The following MAML2 variants were observed in gnomAD, a reference collection of about 807,000 sequenced individuals.
The protein encoded by MAML2 is mastermind like transcriptional coactivator 2, also known as mastermind-like protein 2.
In MAML2, 22 loss-of-function variants were observed where a neutral mutation model predicts 96.1. The observed-to-expected ratio is 0.23, with a 90% CI of 0.16 to 0.33. The LOEUF is 0.33. Among genes scored for constraint, MAML2 ranks in the 10% least tolerant of loss-of-function variants. The probability of loss-of-function intolerance (pLI) is 1.00; values close to 1 mark genes in which losing one functional copy is unlikely to be tolerated. For missense variants in MAML2, 1,367 were observed against 1,392.4 expected (o/e 0.98, Z 0.29); for synonymous variants, 561 against 521.3 (o/e 1.08, Z -1.04).
chr11:96,053,845 T>C (rs2135770448), intron 2 of MAML2, among the ~76,000 whole-genome samples: 1 of 152,268 alleles, frequency 6.6e-6, no homozygotes. Context: ...TTTGGGAACA[T>C]CTTTCCTTTC....
intron 1 of MAML2, among the ~76,000 whole-genome samples, chr11:96,158,294 C>A (rs949054798): frequency 3.9e-5 from 6 of 152,176 alleles, no homozygotes; most frequent in Non-Finnish European, 8.8e-5. Flanking sequence ...AGTGGACCAC[C>A]CAGTTGTCCT....
At chr11:96,181,836 A>ACTGAT (rs1198204113) in intron 1 of MAML2, among the ~76,000 whole-genome samples, 1 of 152,236 alleles carries the variant, frequency 6.6e-6, no homozygotes, top group Admixed American at 6.5e-5. Context: ...ATGCACGATC[A>ACTGAT]CTGATCAATT....
intron 1 of MAML2, among the ~76,000 whole-genome samples, chr11:96,126,312 C>G (rs1013968798): frequency 6.6e-6 from 1 of 152,186 alleles, no homozygotes; most frequent in African/African-American, 2.4e-5. Context: ...AATTCCAGCA[C>G]TTTGGAAGGC....
chr11:96,341,753 C>T lies in MAML2; in HGVS notation c.143G>A (p.Arg48His), dbSNP rs369363538. Residue 48 changes from arginine (R) to histidine (H), a missense_variant, in exon 1 of 5, where the codon CGC becomes CAC. Physicochemically the swap from Arg to His is conservative, Grantham distance 29. Coordinates refer to ENST00000524717, the MANE Select transcript of MAML2 (RefSeq NM_032427.4). ...ERLRARIAVC[R>H]QHHLSCEGRY... is the part of the protein sequence containing the mutation. The stretch of plus-strand genomic sequence containing the variant: ...TCCTTCACAGCTCAGGTGGTGTTGG[C>T]GGCAGACAGCGATCCGAGCCCGGAG... 12 of 1,612,672 alleles carry T rather than the reference C, an allele frequency of 7.4e-6. No individual in the cohort carries two copies. Among genetic ancestry groups the T allele is most frequent in the Non-Finnish European group, 1.0e-5 (12 of 1,179,594 alleles).
intron 1 of MAML2, among the ~76,000 whole-genome samples, chr11:96,322,681 G>C (rs967721410): frequency 3.9e-5 from 6 of 152,130 alleles, no homozygotes; most frequent in Non-Finnish European, 7.3e-5. Flanking sequence ...GCCACGGAGC[G>C]AGACTCCGTC....
chr11:96,191,786 A>C (rs74670098), intron 1 of MAML2, among the ~76,000 whole-genome samples: 4 of 151,230 alleles, frequency 2.6e-5, no homozygotes, highest in Non-Finnish European at 4.4e-5. Flanking sequence ...AAAAAAAAAA[A>C]CCACAAAAGA....
intron 1 of MAML2, among the ~76,000 whole-genome samples, chr11:96,095,048 G>A (rs1004213639): frequency 3.3e-5 from 5 of 152,190 alleles, no homozygotes; most frequent in Admixed American, 1.3e-4. Context: ...AATAAGGAAA[G>A]CAATACTCAG....
intron 1 of MAML2, among the ~76,000 whole-genome samples, chr11:96,107,207 A>G (rs1591017144): frequency 6.6e-6 from 1 of 152,080 alleles, no homozygotes; most frequent in East Asian, 1.9e-4. Flanking sequence ...GTCTCCTATT[A>G]TCTTTTGAGG....
At chr11:96,312,432 A>T (rs2136005214) in intron 1 of MAML2, among the ~76,000 whole-genome samples, 2 of 152,224 alleles carry the variant, frequency 1.3e-5, no homozygotes, top group Middle Eastern at 6.8e-3. Context: ...GGGAACTGAA[A>T]ATATCATTGG....
At chr11:96,267,706 C>T (rs1481146599) in intron 1 of MAML2, among the ~76,000 whole-genome samples, 3 of 152,172 alleles carry the variant, frequency 2.0e-5, no homozygotes, top group Non-Finnish European at 4.4e-5. Flanking sequence ...CCTACAGGGG[C>T]TCAATTCCTC....
At chr11:96,016,466 C>T (rs1035023603) in intron 2 of MAML2, among the ~76,000 whole-genome samples, 2 of 152,146 alleles carry the variant, frequency 1.3e-5, no homozygotes, top group Non-Finnish European at 2.9e-5. Context: ...CCTTGCCAGA[C>T]CCCTGTCCCT....
chr11:96,167,389 G>A (rs1370782791), intron 1 of MAML2, among the ~76,000 whole-genome samples: 1 of 152,080 alleles, frequency 6.6e-6, no homozygotes, highest in Non-Finnish European at 1.5e-5. Flanking sequence ...TCCACTTTAT[G>A]CCTTCCACAC....
At chr11:96,185,594 G>A (rs1043515670) in intron 1 of MAML2, among the ~76,000 whole-genome samples, 2 of 152,184 alleles carry the variant, frequency 1.3e-5, no homozygotes, top group Non-Finnish European at 2.9e-5. Flanking sequence ...CATGTGGGCC[G>A]CAGACTGGCA....
intron 1 of MAML2, among the ~76,000 whole-genome samples, chr11:96,123,253 A>T (rs148427535): frequency 4.5e-4 from 69 of 152,260 alleles, no homozygotes; most frequent in Middle Eastern, 3.4e-3. Flanking sequence ...CTCCAAAAAA[A>T]TGCCATCACA....
At chr11:96,178,481 T>C (rs560576180) in intron 1 of MAML2, among the ~76,000 whole-genome samples, 32 of 152,282 alleles carry the variant, frequency 2.1e-4, no homozygotes, top group African/African-American at 7.5e-4. Flanking sequence ...AGGAATGACC[T>C]TACTGTGCAC....
chr11:96,319,661 G>T (rs1009255596), intron 1 of MAML2, among the ~76,000 whole-genome samples: 21 of 152,072 alleles, frequency 1.4e-4, no homozygotes, highest in Non-Finnish European at 5.9e-5. Flanking sequence ...GTACAATAGG[G>T]CCCAGATGTG....
intron 1 of MAML2, among the ~76,000 whole-genome samples, chr11:96,122,514 G>A (rs1316700762): frequency 6.6e-6 from 1 of 151,902 alleles, no homozygotes; most frequent in Admixed American, 6.6e-5. Flanking sequence ...GTGTGTGTGT[G>A]TGTGTGTGTG....
At chr11:96,071,065 G>A (rs1252756025) in intron 2 of MAML2, among the ~76,000 whole-genome samples, 3 of 152,252 alleles carry the variant, frequency 2.0e-5, no homozygotes, top group Non-Finnish European at 1.5e-5. Flanking sequence ...AAGCTAAGGG[G>A]CCTTCTGAGT....
intron 1 of MAML2, among the ~76,000 whole-genome samples, chr11:96,184,174 G>T (rs535494742): frequency 1.3e-5 from 2 of 152,324 alleles, no homozygotes; most frequent in East Asian, 1.9e-4. Context: ...TGGGCACGGC[G>T]GCTCACGCCT....
Sources: allele counts gnomAD v4.1 joint callset (sites outside exome capture counted in the v4.1 genomes callset), GRCh38; gene constraint gnomAD v4.1.1; transcripts MANE v1.5; gene names NCBI Gene and HGNC (gene_info 2026-07-23, HGNC 2026-07-21).